Variants in IQGAP1 observed in about 807,000 individuals in gnomAD.
IQGAP1 encodes the protein IQ motif containing GTPase activating protein 1.
IQGAP1 carries 66 observed loss-of-function variants against 215.6 expected under a neutral mutation model. That is an observed-to-expected ratio of 0.31 (90% CI 0.25 to 0.38). IQGAP1 has a LOEUF of 0.38. Ranked by LOEUF, IQGAP1 falls within the 10% of genes least tolerant of loss-of-function variation. The probability of loss-of-function intolerance (pLI) is 1.00; values close to 1 mark genes in which losing one functional copy is unlikely to be tolerated. For missense variants in IQGAP1, 1,712 were observed against 1,997.1 expected, an observed-to-expected ratio of 0.86 and a Z score of 2.72; for synonymous variants, 772 against 728.7, an observed-to-expected ratio of 1.06 and a Z score of -0.96.
At chr15:90,389,087 A>G (rs1159284446) in intron 1 of IQGAP1, among the ~76,000 whole-genome samples, 1 of 152,172 alleles carries the variant, frequency 6.6e-6, no homozygotes, top group South Asian at 2.1e-4. Context: ...TATTGTGGGA[A>G]TAATGTTCTT....
At chr15:90,486,702 TG>T in intron 31 of IQGAP1, 1 of 432,260 alleles carries the variant, frequency 2.3e-6, no homozygotes, top group Non-Finnish European at 4.1e-6. Flanking sequence ...CCAGAAAGAA[TG>T]TTTTCAGAGA....
chr15:90,400,601 G>T (rs1254369753), intron 2 of IQGAP1, among the ~76,000 whole-genome samples: 1 of 152,194 alleles, frequency 6.6e-6, no homozygotes, highest in Admixed American at 6.5e-5. Flanking sequence ...TAATCGGGCA[G>T]CTGAGTGTAT....
At chr15:90,478,140 C>T (rs138994325) in intron 26 of IQGAP1, among the ~76,000 whole-genome samples, 188 of 152,120 alleles carry the variant, frequency 1.2e-3, no homozygotes, top group Admixed American at 3.4e-3. Flanking sequence ...TACAGTTGCA[C>T]GCTACCACAC....
At chr15:90,424,270 A>G (rs542145725) in intron 2 of IQGAP1, among the ~76,000 whole-genome samples, 7 of 152,284 alleles carry the variant, frequency 4.6e-5, no homozygotes, top group Admixed American at 2.0e-4. Context: ...TGCCCTTTGC[A>G]TCTTTAGGCT....
At position 90,483,341 on chromosome 15, in the gene IQGAP1, T is replaced by C. The variant is rs1273132708; in HGVS notation, c.3556-20T>C. 2 of 1,572,260 alleles carry C rather than the reference T, an allele frequency of 1.3e-6. No homozygotes were observed. Among genetic ancestry groups the C allele is most frequent in the African/African-American group, 1.4e-5 (1 of 74,040 alleles). The stretch of plus-strand genomic sequence containing the variant: ...GTGGTATGTCTTTTAATACCCATCT[T>C]TCTGTTTCGTCTGTTCCAGATTATT... On this transcript the variant is annotated intron_variant, in intron 28 of 37. Transcript: ENST00000268182.
intron 24 of IQGAP1, 111 bp downstream of exon 24, chr15:90,476,929 A>T (rs1596286487): frequency 1.5e-6 from 2 of 1,319,324 alleles, no homozygotes; most frequent in East Asian, 4.6e-5. Context: ...CTGAGGGGTG[A>T]GTGAGGGGCA....
rs557910141 is a variant in IQGAP1, at chr15:90,480,025, G to A, written c.3330-1935G>A. On this transcript the variant is annotated intron_variant, in intron 26 of 37. Coordinates refer to ENST00000268182, the MANE Select transcript of IQGAP1 (RefSeq NM_003870.4). ...TCAGTCATTTTCAGATCCAAAGCCC[G>A]CTGGACATTTCAGGATTGGTTTTCT... is the stretch of plus-strand genomic sequence containing the variant. 2.2e-4 allele frequency among the ~76,000 whole-genome samples: 33 copies of A among 152,082 alleles called. No individual in the cohort carries two copies. In the South Asian group the frequency reaches 5.6e-3, roughly 26 times the overall value.
At chr15:90,496,376 G>T (rs1966275040) in intron 36 of IQGAP1, among the ~76,000 whole-genome samples, 1 of 145,002 alleles carries the variant, frequency 6.9e-6, no homozygotes, top group Non-Finnish European at 1.5e-5. Context: ...GACTGCAGTG[G>T]TGATAGGGTA....
At position 90,500,211 on chromosome 15, in the gene IQGAP1, C is replaced by T; in HGVS notation, c.*103C>T. The stretch of plus-strand genomic sequence containing the variant: ...TTGGAAGCAAAGACCTAGCCAACAA[C>T]AGCACCTCAATCTGATACACTCCCG... On this transcript the variant is annotated 3_prime_UTR_variant, in exon 38 of 38. Coordinates refer to ENST00000268182, the MANE Select transcript of IQGAP1 (RefSeq NM_003870.4). 1.5e-6 allele frequency: 1 copy of T among 674,988 alleles called. No homozygotes were observed. Among genetic ancestry groups the T allele is most frequent in the East Asian group, 2.7e-5 (1 of 36,970 alleles). The allele number at this position is 674,988 out of a possible 1,614,324, so 41.8% of individuals were successfully genotyped here.
chr15:90,497,378 T>C, intron 37 of IQGAP1, 38 bp downstream of exon 37: 2 of 981,720 alleles, frequency 2.0e-6, no homozygotes, highest in South Asian at 1.3e-5. Flanking sequence ...ACTTTCTGGA[T>C]GAGATTCTTG....
chr15:90,492,822 A>G (rs1966224727), intron 35 of IQGAP1, 111 bp downstream of exon 35: 1 of 779,546 alleles, frequency 1.3e-6, no homozygotes, highest in African/African-American at 1.8e-5. Flanking sequence ...GGATCTATTT[A>G]TTGCATTAGT....
chr15:90,410,950 A>T (rs1038197642), intron 2 of IQGAP1, among the ~76,000 whole-genome samples: 1 of 151,950 alleles, frequency 6.6e-6, no homozygotes, highest in Non-Finnish European at 1.5e-5. Flanking sequence ...GCTATGTCCC[A>T]TGGAAATTTT....
intron 15 of IQGAP1, among the ~76,000 whole-genome samples, chr15:90,457,864 A>T (rs1965708204): frequency 6.6e-6 from 1 of 152,230 alleles, no homozygotes; most frequent in Non-Finnish European, 1.5e-5. Context: ...GCTTTAATAG[A>T]TAATGTCATG....
At chr15:90,433,605 T>C (rs909059018) in intron 4 of IQGAP1, 114 bp from the exon 5 acceptor site, 3 of 613,826 alleles carry the variant, frequency 4.9e-6, no homozygotes, top group Non-Finnish European at 8.7e-6. Flanking sequence ...TTTCTAAGAA[T>C]GCCACCGATG....
In IQGAP1 at chr15:90,475,119, C is replaced by T. The variant is rs568266591; in HGVS notation, c.2784+426C>T. Among the ~76,000 whole-genome samples the T allele has an allele frequency of 3.9e-5, 6 of 151,934 alleles. No homozygotes were observed. The East Asian group carries it at 1.2e-3, about 30-fold the overall frequency. On this transcript the variant is annotated intron_variant, in intron 23 of 37. Transcript: ENST00000268182. ...GGTTCAGCGATTCTCCTGCCTCAGC[C>T]TCCCAAGTAGCTGGGATTACAGGCG...
At position 90,466,107 on chromosome 15, in the gene IQGAP1, T is replaced by C. The variant is rs1965827039; in HGVS notation, c.1867+16T>C. 2 of 1,611,548 alleles carry C rather than the reference T, an allele frequency of 1.2e-6. No homozygotes were observed. Among genetic ancestry groups the C allele is most frequent in the Admixed American group, 1.7e-5 (1 of 60,000 alleles). On this transcript the variant is annotated intron_variant, in intron 16 of 37. Coordinates refer to ENST00000268182, the MANE Select transcript of IQGAP1 (RefSeq NM_003870.4). The stretch of plus-strand genomic sequence containing the variant: ...GCACAGAAGTGTATGTATCACCTGT[T>C]TTATTTCTGTTTTGGTGGAGGCTGG...
At chr15:90,444,018 G>A (rs776582887) in intron 9 of IQGAP1, among the ~76,000 whole-genome samples, 1 of 151,686 alleles carries the variant, frequency 6.6e-6, no homozygotes, top group South Asian at 2.1e-4. Flanking sequence ...GAGCTGAGAT[G>A]GTGCCACTGT....
At chr15:90,449,965 G>T (rs1246478122) in intron 11 of IQGAP1, among the ~76,000 whole-genome samples, 1 of 152,144 alleles carries the variant, frequency 6.6e-6, no homozygotes, top group African/African-American at 2.4e-5. Flanking sequence ...AGGGTAATTG[G>T]AATATTTGTC....
chr15:90,458,071 T>C (rs1322756793), intron 15 of IQGAP1, among the ~76,000 whole-genome samples: 1 of 152,196 alleles, frequency 6.6e-6, no homozygotes, highest in Non-Finnish European at 1.5e-5. Context: ...TGGGCAACCA[T>C]CAGACTGCTG....
Sources: allele counts gnomAD v4.1 joint callset (sites outside exome capture counted in the v4.1 genomes callset), GRCh38; gene constraint gnomAD v4.1.1; transcripts MANE v1.5; gene names NCBI Gene and HGNC (gene_info 2026-07-23, HGNC 2026-07-21).